The following WNK2 variants were observed in gnomAD, a reference collection of about 807,000 sequenced individuals.
WNK2 encodes the protein WNK lysine deficient protein kinase 2, also known as serine/threonine-protein kinase WNK2.
A neutral mutation model predicts 192.1 loss-of-function variants in WNK2; 67 were observed. The ratio of observed to expected loss-of-function variants is 0.35; its 90% CI spans 0.29 to 0.43. The LOEUF (loss-of-function observed/expected upper bound fraction) is 0.43. Ranked by LOEUF, WNK2 falls within the 20% of genes least tolerant of loss-of-function variation. WNK2 has a pLI of 1.00. For synonymous variants in WNK2, 1,439 were observed against 1,393.9 expected, an observed-to-expected ratio of 1.03 and a Z score of -0.72; for missense variants, 2,698 against 3,089.7, an observed-to-expected ratio of 0.87 and a Z score of 3.01.
chr9:93,308,965 G>C (rs973993926), intron 28 of WNK2: 2 of 1,066,042 alleles, frequency 1.9e-6, no homozygotes, highest in African/African-American at 3.3e-5. Flanking sequence ...TGGAGACCAG[G>C]GCAGGTGTGC....
intron 19 of WNK2, among the ~76,000 whole-genome samples, chr9:93,286,380 A>C (rs575269257): frequency 6.6e-6 from 1 of 152,192 alleles, no homozygotes; most frequent in Non-Finnish European, 1.5e-5. Context: ...CTAAAAGAAG[A>C]TACCCAGATG....
chr9:93,316,156 A>G (rs1490968669), intron 28 of WNK2: 1 of 152,228 alleles, frequency 6.6e-6, no homozygotes, highest in Non-Finnish European at 1.5e-5. Flanking sequence ...TTCCCTTATC[A>G]TTGTGGCAAC....
At position 93,306,791 on chromosome 9, in the gene WNK2, C is replaced by T; in HGVS notation, c.6229C>T (p.Arg2077Cys). ...TTCCCTTGCAGGGTCTGCCCTGAAG[C>T]GTCTCTGCCTAGGCAAAGAACACAG... ...VSVSIWSALK[R>C]LCLGKEHSSR... The change falls in exon 27 of 30, where the codon CGT (arginine) becomes TGT (cysteine). Residue 2077 changes from arginine (R) to cysteine (C), a missense_variant. Transcript: ENST00000427277. The T allele has an allele frequency of 1.2e-6, 2 of 1,614,076 alleles. No individual in the cohort carries two copies. The highest frequency in any genetic ancestry group is 1.3e-5 in the African/African-American group (1 of 75,084).
At chr9:93,268,987 C>T in intron 19 of WNK2, 1 of 1,522,448 alleles carries the variant, frequency 6.6e-7, no homozygotes, top group Non-Finnish European at 8.9e-7. Flanking sequence ...AAGTAGGTGG[C>T]TCGCATGGCC....
At position 93,195,163 on chromosome 9, in the gene WNK2, G is replaced by C. The variant is rs114177207; in HGVS notation, c.681+9553G>C. On this transcript the variant is annotated intron_variant, in intron 2 of 29. Transcript: ENST00000427277. Reference sequence around the variant, plus strand: ...CATTATACATTTGTCAAAACCCATAGCATGTACAGCACCCAGAGTGAACCC... The same window carrying C: ...CATTATACATTTGTCAAAACCCATACCATGTACAGCACCCAGAGTGAACCC... Among the ~76,000 whole-genome samples the C allele has an allele frequency of 2.3e-3, 356 of 152,238 alleles. 3 individuals are homozygous for C. Among genetic ancestry groups the C allele is most frequent in the African/African-American group, 8.3e-3 (346 of 41,526 alleles).
Position 93,292,750 on chromosome 9 carries a change from C to G in WNK2, c.5285C>G (p.Pro1762Arg), listed in dbSNP as rs1386932517. The G allele has an allele frequency of 7.7e-6, 12 of 1,563,166 alleles. No individual in the cohort carries two copies. The highest frequency in any genetic ancestry group is 2.4e-5 in the East Asian group (1 of 41,446). ...STQDEWTLAS[P>R]HSLRYSAPPD... ...CAGGACGAGTGGACCCTGGCCTCCC[C>G]CCACAGCCTGAGATACTCTGCCCCA... The change falls in exon 23 of 30, where the codon CCC (proline) becomes CGC (arginine). Residue 1762 changes from proline (P) to arginine (R), a missense_variant. Transcript: ENST00000427277.
chr9:93,317,947 C>A (rs748017484), intron 29 of WNK2: 15 of 1,611,548 alleles, frequency 9.3e-6, no homozygotes, highest in Non-Finnish European at 1.3e-5. Context: ...CTGCTGTGGG[C>A]ACAGCACTCA....
At chr9:93,318,415 G>C (rs751679011) in intron 29 of WNK2, 18 of 1,614,146 alleles carry the variant, frequency 1.1e-5, no homozygotes, top group Admixed American at 3.3e-5. Flanking sequence ...GGGGCTGAGA[G>C]ACGGCGGGAC....
chr9:93,208,670 GTTC>G (rs1053283453), intron 2 of WNK2, among the ~76,000 whole-genome samples: 3 of 150,530 alleles, frequency 2.0e-5, no homozygotes, highest in Admixed American at 6.6e-5. Context: ...TATTCTGTGT[GTTC>G]TTCATGTGTG....
intron 2 of WNK2, among the ~76,000 whole-genome samples, chr9:93,194,201 A>G (rs1830833767): frequency 6.6e-6 from 1 of 152,238 alleles, no homozygotes; most frequent in African/African-American, 2.4e-5. Context: ...TTGAAAGAAA[A>G]TAATGATAAG....
intron 26 of WNK2, chr9:93,300,444 G>A (rs750242542): frequency 1.0e-5 from 3 of 301,416 alleles, no homozygotes; most frequent in African/African-American, 6.5e-5. Context: ...CTGCCCAGAA[G>A]GACTGGAGCC....
In WNK2 at chr9:93,247,769, A is replaced by G. The variant is rs2132506139; in HGVS notation, c.1769A>G (p.Glu590Gly). 4 of 1,550,728 alleles carry G rather than the reference A, an allele frequency of 2.6e-6. No individual in the cohort carries two copies. Among genetic ancestry groups the G allele is most frequent in the Non-Finnish European group, 3.5e-6 (4 of 1,149,004 alleles). ...QAGQPGPPEP[E>G]EPEADQHLLP... is the part of the protein sequence containing the mutation. The stretch of plus-strand genomic sequence containing the variant: ...GGGCAGCCCGGGCCACCAGAGCCCG[A>G]GGAGCCGGAGGCCGACCAGCACCTC... The change falls in exon 8 of 30, where the codon GAG becomes GGG. Residue 590 changes from glutamate to glycine, a missense_variant. Physicochemically the swap from Glu to Gly is moderately conservative, Grantham distance 98 (BLOSUM62 -2). This residue lies in a region of WNK2 where 893 missense variants were observed against 909.0 expected (regional missense o/e 0.98). Transcript: ENST00000427277. The surrounding 1 kb of genome is among the most constrained non-coding windows in gnomAD (Gnocchi z 5.2).
intron 7 of WNK2, among the ~76,000 whole-genome samples, chr9:93,240,204 C>T (rs978732179): frequency 3.3e-5 from 5 of 152,162 alleles, no homozygotes; most frequent in African/African-American, 1.2e-4. Flanking sequence ...CTCAAAAACA[C>T]AGCACCCAGG....
At position 93,262,543 on chromosome 9, in the gene WNK2, C is replaced by T. The variant is rs1844451845; in HGVS notation, c.3361-127C>T. 4.0e-6 allele frequency: 4 copies of T among 994,744 alleles called. No homozygotes were observed. The East Asian group carries it at 1.0e-4, about 25-fold the overall frequency. The allele number at this position is 994,744 out of a possible 1,614,324, so 61.6% of individuals were successfully genotyped here. ...GTACCCACCTGGCTGCAGAAGAGAG[C>T]AGGAGAACGCAGCGGGGCAGGCTGG... is the stretch of plus-strand genomic sequence containing the variant. On this transcript the variant is annotated intron_variant, in intron 13 of 29. Transcript: ENST00000427277.
rs904727301 is a variant in WNK2 at position 93,257,595 on chromosome 9, C to T, written c.2382+456C>T. ...AGGAAAAGGTTTGTTAGTCCAAGGT[C>T]GTGGACAGTCCTTGAAGTGGTTGCT... On this transcript the variant is annotated intron_variant, in intron 11 of 29. Coordinates refer to ENST00000427277, the MANE Select transcript of WNK2 (RefSeq NM_006648.4). This position sits in a 1 kb window ranked among gnomAD's most constrained non-coding sequence, Gnocchi z 4.7. Among the ~76,000 whole-genome samples the T allele has an allele frequency of 6.6e-6, 1 of 152,220 alleles. No individual in the cohort carries two copies.
chr9:93,210,890 C>G (rs1834375817), intron 2 of WNK2, among the ~76,000 whole-genome samples: 1 of 152,188 alleles, frequency 6.6e-6, no homozygotes, highest in Non-Finnish European at 1.5e-5. Flanking sequence ...ATGGGAGCCC[C>G]AGGGACTTCA....
At chr9:93,203,558 C>T (rs1832859271) in intron 2 of WNK2, among the ~76,000 whole-genome samples, 2 of 152,114 alleles carry the variant, frequency 1.3e-5, no homozygotes, top group South Asian at 4.1e-4. Flanking sequence ...AGGCCTAGTC[C>T]CCTGCAGTCT....
intron 29 of WNK2, chr9:93,319,055 G>A: frequency 6.3e-7 from 1 of 1,596,842 alleles, no homozygotes; most frequent in Non-Finnish European, 8.5e-7. Flanking sequence ...TCTCTGTACT[G>A]GGCCCCCTTG....
At chr9:93,268,486 C>G in intron 18 of WNK2, 141 bp from the exon 19 acceptor site, 2 of 1,328,788 alleles carry the variant, frequency 1.5e-6, no homozygotes, top group Non-Finnish European at 2.1e-6. Flanking sequence ...GTTCTCTGCC[C>G]ACACCCTTCC....
Sources: gnomAD v4.1 joint callset for allele counts (sites outside exome capture counted in the v4.1 genomes callset) on GRCh38, gnomAD v4.1.1 for gene constraint, gnomAD v4.1.1 regional missense constraint, Gnocchi (gnomAD v3.1) non-coding constraint, MANE v1.5 for transcripts, NCBI Gene and HGNC (gene_info 2026-07-23, HGNC 2026-07-21) for gene names.